ARSG: variants seen among roughly 807,000 people sequenced by gnomAD.
ARSG encodes ASG.
In ARSG, 37 loss-of-function variants were observed where a neutral mutation model predicts 50.5. The ratio of observed to expected loss-of-function variants is 0.73; its 90% confidence interval spans 0.56 to 0.96. ARSG has a LOEUF of 0.96. ARSG is among the 50% of genes least tolerant of loss of function. The pLI is 0.00. For synonymous variants in ARSG, 225 were observed against 254.6 expected (o/e 0.88, Z 1.11); for missense variants, 629 against 675.3 (o/e 0.93, Z 0.76).
In ARSG at chr17:68,307,537, T is replaced by C. The variant is rs1381370483; in HGVS notation, c.44T>C (p.Phe15Ser). 3 of 1,614,044 alleles carry C rather than the reference T, an allele frequency of 1.9e-6. No homozygotes were observed. The highest frequency in any genetic ancestry group is 2.5e-6 in the Non-Finnish European group (3 of 1,180,028). Reference protein sequence around the residue: ...FLKVLLAGVSFSGFLYPLVDF... With the variant: ...FLKVLLAGVSSSGFLYPLVDF... ...AAGGTTTTGTTGGCGGGAGTGAGTT[T>C]CTCAGGATTTCTTTATCCTCTTGTG... Residue 15 changes from phenylalanine (F) to serine (S), a missense_variant, in exon 2 of 12, where the codon TTC becomes TCC. Physicochemically the swap from Phe to Ser is radical, Grantham distance 155 (BLOSUM62 -2). Transcript: ENST00000621439.
chr17:68,319,790 A>T (rs1223699637), intron 2 of ARSG, among the ~76,000 whole-genome samples: 1 of 152,210 alleles, frequency 6.6e-6, no homozygotes, highest in Non-Finnish European at 1.5e-5. Flanking sequence ...GCAGGAGGGT[A>T]GTGTGCTGTG....
At chr17:68,433,569 C>T in the ARSG span, 3 of 1,613,450 alleles carry the variant, frequency 1.9e-6, no homozygotes, top group Admixed American at 1.7e-5. Context: ...AGCTGATTGT[C>T]ACATACCTAC....
the ARSG span, among the ~76,000 whole-genome samples, chr17:68,451,471 G>A: frequency 3.9e-5 from 6 of 152,232 alleles, no homozygotes; most frequent in South Asian, 1.2e-3. Context: ...TAGACTGCAA[G>A]TCAGAGCAAA....
intron 1 of ARSG, among the ~76,000 whole-genome samples, chr17:68,266,733 C>G (rs552417025): frequency 4.6e-5 from 7 of 151,828 alleles, no homozygotes; most frequent in Middle Eastern, 3.4e-3. Flanking sequence ...ATCACTTGAA[C>G]CTGGGAGGCG....
At chr17:68,263,287 C>T (rs1356234229) in intron 1 of ARSG, among the ~76,000 whole-genome samples, 4 of 152,120 alleles carry the variant, frequency 2.6e-5, no homozygotes, top group South Asian at 2.1e-4. Flanking sequence ...ACTTATGCAA[C>T]GGCGGCTGGC....
At chr17:68,336,682 G>A (rs976902443) in intron 2 of ARSG, among the ~76,000 whole-genome samples, 8 of 152,038 alleles carry the variant, frequency 5.3e-5, no homozygotes, top group Admixed American at 2.0e-4. Context: ...GCAAAATCCC[G>A]TTTCTATTAA....
At chr17:68,435,089 C>T in the ARSG span, among the ~76,000 whole-genome samples, 7 of 152,060 alleles carry the variant, frequency 4.6e-5, no homozygotes, top group Admixed American at 4.6e-4. Context: ...TGCCTGTAAT[C>T]TCAGCTACTC....
intron 6 of ARSG, among the ~76,000 whole-genome samples, chr17:68,365,974 G>C (rs2079525868): frequency 6.6e-6 from 1 of 151,948 alleles, no homozygotes; most frequent in South Asian, 2.1e-4. Flanking sequence ...GTCTCGCTCT[G>C]TCGCCCAGGC....
chr17:68,361,280 A>G (rs1599877540), intron 6 of ARSG, among the ~76,000 whole-genome samples: 1 of 152,172 alleles, frequency 6.6e-6, no homozygotes, highest in African/African-American at 2.4e-5. Flanking sequence ...TGTTGGGATT[A>G]GTGTTTGTAT....
chr17:68,322,648 AAG>A (rs1555771006), intron 2 of ARSG, among the ~76,000 whole-genome samples: 2 of 152,116 alleles, frequency 1.3e-5, no homozygotes, highest in African/African-American at 4.8e-5. Flanking sequence ...TTAAAAAAAA[AAG>A]AAATTAAGAT....
chr17:68,371,347 G>A (rs1010079424), intron 8 of ARSG, among the ~76,000 whole-genome samples: 2 of 151,384 alleles, frequency 1.3e-5, no homozygotes, highest in Admixed American at 1.3e-4. Context: ...GAAGGAGAGA[G>A]GCTCAGAGAG....
chr17:68,266,475 AC>A (rs2075168073), intron 1 of ARSG, among the ~76,000 whole-genome samples: 2 of 93,982 alleles, frequency 2.1e-5, no homozygotes, highest in Admixed American at 2.3e-4. Flanking sequence ...GTATATATAT[AC>A]TTTTTTTTTG....
chr17:68,298,067 T>C (rs2076273202), intron 1 of ARSG, among the ~76,000 whole-genome samples: 1 of 150,726 alleles, frequency 6.6e-6, no homozygotes, highest in Admixed American at 6.7e-5. Context: ...TTCTGTAACA[T>C]ATCCATGGTC....
intron 6 of ARSG, among the ~76,000 whole-genome samples, chr17:68,357,434 C>T (rs1297658703): frequency 6.6e-6 from 1 of 152,170 alleles, no homozygotes. Context: ...CATCTTCAGT[C>T]AAATCTCCCC....
At position 68,272,539 on chromosome 17, in the gene ARSG, C is replaced by G. The variant is rs1400060316; in HGVS notation, c.-552+13113C>G. ...TAAATAACGTCTCATTACACATACA[C>G]TGAAAGTCATCCATACTGTTGGCAA... On this transcript the variant is annotated intron_variant, in intron 1 of 11. Transcript: ENST00000448504. 15 of 1,384,328 alleles carry G rather than the reference C, an allele frequency of 1.1e-5. No individual in the cohort carries two copies. In the African/African-American group the frequency reaches 1.7e-4, roughly 16 times the overall value. The allele number at this position is 1,384,328 out of a possible 1,614,324, so 85.8% of individuals were successfully genotyped here.
intron 3 of ARSG, among the ~76,000 whole-genome samples, chr17:68,344,979 G>A (rs1055047182): frequency 1.3e-5 from 2 of 152,174 alleles, no homozygotes; most frequent in Admixed American, 6.5e-5. Flanking sequence ...CCTGGAGTGC[G>A]GCATTCTTTG....
At chr17:68,402,773 C>T (rs2081534679) in intron 11 of ARSG, among the ~76,000 whole-genome samples, 1 of 152,190 alleles carries the variant, frequency 6.6e-6, no homozygotes, top group Non-Finnish European at 1.5e-5. Context: ...GATCCACCCG[C>T]CTCGGCCTCC....
intron 9 of ARSG, among the ~76,000 whole-genome samples, chr17:68,386,626 G>C (rs772063876): frequency 2.1e-4 from 32 of 152,144 alleles, no homozygotes; most frequent in Non-Finnish European, 4.1e-4. Flanking sequence ...TGGAATCTGT[G>C]ATGTCAGGCT....
intron 10 of ARSG, among the ~76,000 whole-genome samples, chr17:68,397,841 A>G (rs567161204): frequency 1.3e-5 from 2 of 152,264 alleles, no homozygotes; most frequent in East Asian, 3.9e-4. Flanking sequence ...ATCTTGGCTC[A>G]CTGCAACCTC....
Sources: gnomAD v4.1 joint callset for allele counts (sites outside exome capture counted in the v4.1 genomes callset) on GRCh38, gnomAD v4.1.1 for gene constraint, MANE v1.5 for transcripts, NCBI Gene and HGNC (gene_info 2026-07-23, HGNC 2026-07-21) for gene names.